BABAM2: variants seen among roughly 807,000 people sequenced by gnomAD.
The protein encoded by BABAM2 is BRISC and BRCA1 A complex member 2, also known as BRISC and BRCA1-A complex member 2.
A neutral mutation model predicts 54.7 loss-of-function variants in BABAM2; 31 were observed. That is an observed-to-expected ratio of 0.57 (90% CI 0.43 to 0.77). The LOEUF is 0.77. Ranked by LOEUF, BABAM2 falls within the 30% of genes least tolerant of loss-of-function variation. The pLI is 0.00. For missense variants in BABAM2, 364 were observed against 455.8 expected (o/e 0.80, Z 1.83); for synonymous variants, 167 against 162.9 (o/e 1.03, Z -0.19).
intron 10 of BABAM2, among the ~76,000 whole-genome samples, chr2:28,266,983 C>T (rs1049007220): frequency 2.6e-5 from 4 of 152,104 alleles, no homozygotes; most frequent in African/African-American, 9.7e-5. Context: ...TGGTGAAAGC[C>T]CATTTCTACT....
chr2:28,123,490 C>G (rs1178553059), intron 6 of BABAM2, among the ~76,000 whole-genome samples: 1 of 152,200 alleles, frequency 6.6e-6, no homozygotes, highest in Admixed American at 6.5e-5. Context: ...TTAAATGTCC[C>G]CTACTATGCT....
At chr2:28,338,151 T>C (rs145468132) in intron 11 of BABAM2, among the ~76,000 whole-genome samples, 1 of 152,182 alleles carries the variant, frequency 6.6e-6, no homozygotes, top group Non-Finnish European at 1.5e-5. Flanking sequence ...CAGGCCCTTG[T>C]CTTTGTCCTG....
chr2:27,925,236 G>A (rs1667601769), intron 2 of BABAM2, among the ~76,000 whole-genome samples: 1 of 152,066 alleles, frequency 6.6e-6, no homozygotes, highest in Admixed American at 6.6e-5. Flanking sequence ...ATGTTTTAGT[G>A]GCCCTTATAG....
chr2:28,076,481 T>TTTAGTTAGTTAG (rs148940632), intron 6 of BABAM2, among the ~76,000 whole-genome samples: 3 of 146,436 alleles, frequency 2.0e-5, no homozygotes, highest in African/African-American at 5.2e-5. Flanking sequence ...TATTTATTTA[T>TTTAGTTAGTTAG]TTAGTTAGTT....
chr2:28,168,286 A>G (rs2147839832), intron 7 of BABAM2, among the ~76,000 whole-genome samples: 1 of 152,368 alleles, frequency 6.6e-6, no homozygotes, highest in South Asian at 2.1e-4. Flanking sequence ...TATAAAAGTT[A>G]TAGCCGTTGT....
intron 7 of BABAM2, among the ~76,000 whole-genome samples, chr2:28,235,734 G>C (rs1681847443): frequency 6.6e-6 from 1 of 152,104 alleles, no homozygotes; most frequent in African/African-American, 2.4e-5. Flanking sequence ...TCGGCTCACT[G>C]CAACCTCTGC....
At chr2:27,979,205 T>C (rs1671824333) in intron 3 of BABAM2, among the ~76,000 whole-genome samples, 1 of 152,104 alleles carries the variant, frequency 6.6e-6, no homozygotes, top group Non-Finnish European at 1.5e-5. Flanking sequence ...TTTTTGTATT[T>C]TTTTGTTTAG....
chr2:28,251,229 GAAC>G (rs1157327618), intron 10 of BABAM2, among the ~76,000 whole-genome samples: 2 of 151,724 alleles, frequency 1.3e-5, no homozygotes, highest in African/African-American at 2.4e-5. Flanking sequence ...GTTTTTCAGA[GAAC>G]ACAGTTTCTG....
At chr2:28,245,945 T>C (rs1002839134) in intron 10 of BABAM2, among the ~76,000 whole-genome samples, 2 of 152,142 alleles carry the variant, frequency 1.3e-5, no homozygotes, top group Non-Finnish European at 2.9e-5. Flanking sequence ...CACCAATAGA[T>C]AGTAAGGGCA....
At chr2:28,209,478 G>C (rs6761098) in intron 7 of BABAM2, among the ~76,000 whole-genome samples, 1,927 of 152,302 alleles carry the variant, frequency 0.013, 30 homozygotes, top group African/African-American at 0.044. Context: ...GGGTTACCTT[G>C]ATAAGGAACA....
intron 7 of BABAM2, among the ~76,000 whole-genome samples, chr2:28,172,353 G>A (rs1674434331): frequency 6.6e-6 from 1 of 152,114 alleles, no homozygotes; most frequent in African/African-American, 2.4e-5. Flanking sequence ...CCTCTGAAGG[G>A]TTACAGAGCA....
intron 10 of BABAM2, among the ~76,000 whole-genome samples, chr2:28,248,591 A>G (rs888109686): frequency 6.6e-6 from 1 of 152,152 alleles, no homozygotes; most frequent in Non-Finnish European, 1.5e-5. Context: ...TCCTCTGGGG[A>G]AAAGCTACAT....
upstream of BABAM2, chr2:27,890,553 G>A (rs927904283): frequency 3.5e-6 from 2 of 565,680 alleles, no homozygotes; most frequent in Non-Finnish European, 6.3e-6. This position sits in a 1 kb window ranked among gnomAD's most constrained non-coding sequence, Gnocchi z 4.8. Flanking sequence ...TCACGTAACA[G>A]GGCCCTCCTG....
chr2:27,924,211 A>G (rs1460925507), intron 2 of BABAM2, among the ~76,000 whole-genome samples: 1 of 152,108 alleles, frequency 6.6e-6, no homozygotes, highest in Non-Finnish European at 1.5e-5. Context: ...ATGACATTGG[A>G]AAGATCACTT....
intron 2 of BABAM2, among the ~76,000 whole-genome samples, chr2:27,911,626 G>C (rs1046291142): frequency 6.6e-6 from 1 of 152,060 alleles, no homozygotes; most frequent in South Asian, 2.1e-4. Flanking sequence ...GGACTTCAAG[G>C]TATCATTACT....
intron 7 of BABAM2, among the ~76,000 whole-genome samples, chr2:28,157,075 T>C (rs182839025): frequency 5.3e-5 from 8 of 152,360 alleles, no homozygotes; most frequent in African/African-American, 1.9e-4. Flanking sequence ...ACTGTAAGAC[T>C]TTTTTCCTTA....
chr2:27,920,574 A>G (rs532842480), intron 2 of BABAM2, among the ~76,000 whole-genome samples: 1 of 152,322 alleles, frequency 6.6e-6, no homozygotes, highest in Non-Finnish European at 1.5e-5. Context: ...ATCTTTGAGC[A>G]TATTTTATTT....
Position 28,304,686 on chromosome 2 carries a change from C to T in BABAM2, c.1088+6195C>T, listed in dbSNP as rs565891641. 6.8e-4 allele frequency among the ~76,000 whole-genome samples: 103 copies of T among 152,278 alleles called. 1 individual carries two copies. The highest frequency in any genetic ancestry group is 2.0e-3 in the African/African-American group (82 of 41,568). On this transcript the variant is annotated intron_variant, in intron 11 of 11. Coordinates refer to ENST00000379624, the MANE Select transcript of BABAM2 (RefSeq NM_199191.3). This position sits in a 1 kb window ranked among gnomAD's most constrained non-coding sequence, Gnocchi z 4.0. Reference sequence around the variant, plus strand: ...CACCTCCCAGGTTCTAGCAATTCTCCTGCTTCAGCCTCTTAAGTAGCTGGG... The same window carrying T: ...CACCTCCCAGGTTCTAGCAATTCTCTTGCTTCAGCCTCTTAAGTAGCTGGG...
intron 6 of BABAM2, among the ~76,000 whole-genome samples, chr2:28,057,029 T>G (rs1378778751): frequency 6.6e-6 from 1 of 152,198 alleles, no homozygotes; most frequent in Non-Finnish European, 1.5e-5. Flanking sequence ...CAGCAACACT[T>G]GTATTTTAAA....
Sources: allele counts gnomAD v4.1 joint callset (sites outside exome capture counted in the v4.1 genomes callset), GRCh38; gene constraint gnomAD v4.1.1; non-coding constraint Gnocchi (gnomAD v3.1); transcripts MANE v1.5; gene names NCBI Gene and HGNC (gene_info 2026-07-23, HGNC 2026-07-21).